The following ANKFN1 variants were observed in gnomAD, a reference collection of about 807,000 sequenced individuals.
The protein encoded by ANKFN1 is ankyrin repeat and fibronectin type-III domain-containing protein 1.
ANKFN1 carries 74 observed loss-of-function variants against 108.7 expected under a neutral mutation model. The ratio of observed to expected loss-of-function variants is 0.68; its 90% CI spans 0.56 to 0.83. The LOEUF (loss-of-function observed/expected upper bound fraction) is 0.83, where lower values mean the gene tolerates loss of function less well. Ranked by LOEUF, ANKFN1 falls within the 40% of genes least tolerant of loss-of-function variation. ANKFN1 has a pLI of 0.00. For synonymous variants in ANKFN1, 547 were observed against 516.2 expected (o/e 1.06, Z -0.81); for missense variants, 1,505 against 1,382.3 (o/e 1.09, Z -1.41).
intron 8 of ANKFN1, among the ~76,000 whole-genome samples, chr17:56,401,830 G>T (rs1186096739): frequency 3.3e-5 from 5 of 152,122 alleles, no homozygotes; most frequent in African/African-American, 1.2e-4. Flanking sequence ...CTGTGAGTTT[G>T]TCATAAATGG....
At chr17:56,250,124 C>G (rs1196286252) in intron 3 of ANKFN1, among the ~76,000 whole-genome samples, 2 of 152,136 alleles carry the variant, frequency 1.3e-5, no homozygotes, top group Non-Finnish European at 2.9e-5. Flanking sequence ...GAAAAGACAA[C>G]AATAACCCAA....
intron 4 of ANKFN1, among the ~76,000 whole-genome samples, chr17:56,111,378 T>C (rs1905951980): frequency 6.6e-6 from 1 of 152,292 alleles, no homozygotes; most frequent in Non-Finnish European, 1.5e-5. Flanking sequence ...ACTCTCTGCC[T>C]ACCACCTCTC....
chr17:56,318,233 T>C (rs2045264132), intron 3 of ANKFN1, among the ~76,000 whole-genome samples: 2 of 152,096 alleles, frequency 1.3e-5, no homozygotes, highest in Non-Finnish European at 2.9e-5. Flanking sequence ...AGATAATTAA[T>C]GGTTCTGGGG....
chr17:56,128,559 A>G (rs1205956601), intron 4 of ANKFN1, among the ~76,000 whole-genome samples: 2 of 152,186 alleles, frequency 1.3e-5, no homozygotes, highest in Non-Finnish European at 2.9e-5. Flanking sequence ...TTCAGAAACA[A>G]CATCTCTTTC....
chr17:56,332,964 T>C (rs1219628370), intron 4 of ANKFN1, among the ~76,000 whole-genome samples: 4 of 100,714 alleles, frequency 4.0e-5, no homozygotes, highest in African/African-American at 1.2e-4. Flanking sequence ...ATGAACAAGG[T>C]GTGTATATAT....
intron 3 of ANKFN1, chr17:56,258,246 C>T (rs1289564183): frequency 6.6e-6 from 1 of 152,192 alleles, no homozygotes; most frequent in East Asian, 1.9e-4. Flanking sequence ...CTTTTAGGAA[C>T]TTTCATGACC....
chr17:56,255,439 C>G (rs2043335766), intron 3 of ANKFN1, among the ~76,000 whole-genome samples: 1 of 152,158 alleles, frequency 6.6e-6, no homozygotes, highest in South Asian at 2.1e-4. Flanking sequence ...TCATTACTCT[C>G]TTTAGACTCA....
chr17:56,325,909 G>A (rs1203526538), intron 3 of ANKFN1, among the ~76,000 whole-genome samples: 3 of 152,140 alleles, frequency 2.0e-5, no homozygotes, highest in Non-Finnish European at 2.9e-5. Context: ...CAGTCGGTTC[G>A]GATTCAGTCT....
At chr17:56,171,108 G>A (rs1405981302) in intron 1 of ANKFN1, among the ~76,000 whole-genome samples, 1 of 151,964 alleles carries the variant, frequency 6.6e-6, no homozygotes, top group East Asian at 1.9e-4. Context: ...AGGAAGCAGG[G>A]ACCGGCACTG....
intron 3 of ANKFN1, among the ~76,000 whole-genome samples, chr17:56,253,835 C>T (rs1157697): frequency 0.067 from 10,163 of 152,244 alleles, 459 homozygotes; most frequent in African/African-American, 0.13. Flanking sequence ...ATAACACTTA[C>T]ACCACCTAGA....
At position 56,173,475 on chromosome 17, in the gene ANKFN1, C is replaced by T. The variant is rs1910857776; in HGVS notation, c.-71+19945C>T. On this transcript the variant is annotated intron_variant, in intron 1 of 20. Coordinates refer to ENST00000682825, the MANE Select transcript of ANKFN1 (RefSeq NM_001370326.1). ...CTTTGTATTTCCCCATAGAACTCAG[C>T]ATGCGTCACCTTGCCATATACTTCA... Among the ~76,000 whole-genome samples the T allele has an allele frequency of 2.6e-5, 4 of 152,172 alleles. No homozygotes were observed. In the South Asian group the frequency reaches 8.3e-4, roughly 32 times the overall value.
chr17:56,406,037 T>A (rs1175798498), intron 8 of ANKFN1, among the ~76,000 whole-genome samples: 1 of 151,098 alleles, frequency 6.6e-6, no homozygotes, highest in Middle Eastern at 3.2e-3. Context: ...AATAAAAGGA[T>A]CAAAATAAAA....
chr17:56,046,247 G>GCAGCAA (rs1385802656), exon 4 of ANKFN1: 1 of 160,376 alleles, frequency 6.2e-6, no homozygotes, highest in Middle Eastern at 7.9e-4. Context: ...AGGAAAAGCA[G>GCAGCAA]CAGCAACAGC....
intron 8 of ANKFN1, among the ~76,000 whole-genome samples, chr17:56,407,827 T>C (rs1438472964): frequency 3.3e-5 from 5 of 152,214 alleles, no homozygotes; most frequent in Non-Finnish European, 2.9e-5. Flanking sequence ...AATTTCTTGA[T>C]GCTTTCTTCA....
chr17:56,483,861 G>A (rs1332443942), intron 18 of ANKFN1, among the ~76,000 whole-genome samples: 1 of 152,178 alleles, frequency 6.6e-6, no homozygotes, highest in Non-Finnish European at 1.5e-5. Context: ...AGGTGAGTAA[G>A]ACAAAGGTTC....
intron 4 of ANKFN1, among the ~76,000 whole-genome samples, chr17:56,141,754 C>G (rs1005237630): frequency 1.3e-5 from 2 of 152,094 alleles, no homozygotes; most frequent in African/African-American, 4.8e-5. Flanking sequence ...CACCCTGATG[C>G]TGTGACCTCA....
intron 4 of ANKFN1, among the ~76,000 whole-genome samples, chr17:56,127,391 G>C (rs1165998736): frequency 1.3e-5 from 2 of 152,054 alleles, no homozygotes; most frequent in Non-Finnish European, 2.9e-5. Flanking sequence ...TCCGCTCACT[G>C]CAACCTCCAC....
intron 4 of ANKFN1, among the ~76,000 whole-genome samples, chr17:56,054,713 A>G (rs1021111967): frequency 1.3e-5 from 2 of 152,004 alleles, no homozygotes; most frequent in Non-Finnish European, 2.9e-5. Flanking sequence ...GGGGTTCAAG[A>G]CCAGCCTGGG....
intron 3 of ANKFN1, among the ~76,000 whole-genome samples, chr17:56,297,969 G>A (rs2044561470): frequency 6.6e-6 from 1 of 152,158 alleles, no homozygotes; most frequent in South Asian, 2.1e-4. Context: ...GCAATATACA[G>A]AGAAAACAGC....
Sources: gnomAD v4.1 joint callset for allele counts (sites outside exome capture counted in the v4.1 genomes callset) on GRCh38, gnomAD v4.1.1 for gene constraint, MANE v1.5 for transcripts, NCBI Gene and HGNC (gene_info 2026-07-23, HGNC 2026-07-21) for gene names.